RTN1: variants seen among roughly 807,000 people sequenced by gnomAD.
RTN1 encodes reticulon 1.
Under a neutral mutation model 65.5 loss-of-function variants are expected in RTN1, and 25 were observed. The observed-to-expected ratio is 0.38, with a 90% CI of 0.28 to 0.53. RTN1 has a LOEUF of 0.53. Among genes scored for constraint, RTN1 ranks in the 20% least tolerant of loss-of-function variants. The pLI is 0.79. For missense variants in RTN1, 983 were observed against 1,025.4 expected (o/e 0.96, Z 0.57); for synonymous variants, 471 against 447.6 (o/e 1.05, Z -0.66).
intron 2 of RTN1, among the ~76,000 whole-genome samples, chr14:59,737,817 T>C (rs112852862): frequency 3.3e-5 from 5 of 152,242 alleles, no homozygotes; most frequent in African/African-American, 9.6e-5. Context: ...AACAGACACA[T>C]AGACCAATGG....
intron 3 of RTN1, among the ~76,000 whole-genome samples, chr14:59,707,281 T>C (rs1361803760): frequency 6.6e-6 from 1 of 152,240 alleles, no homozygotes; most frequent in Non-Finnish European, 1.5e-5. Context: ...AGAGGGCACA[T>C]TTGTTGCCCT....
intron 1 of RTN1, among the ~76,000 whole-genome samples, chr14:59,809,183 T>A (rs1886686276): frequency 6.6e-6 from 1 of 151,988 alleles, no homozygotes; most frequent in Non-Finnish European, 1.5e-5. Context: ...TAACAACATC[T>A]CCACAAATGA....
At chr14:59,850,885 G>A (rs1887493192) in intron 1 of RTN1, among the ~76,000 whole-genome samples, 1 of 152,112 alleles carries the variant, frequency 6.6e-6, no homozygotes, top group South Asian at 2.1e-4. Flanking sequence ...TTTTTCTCTT[G>A]CAAAAGTTTC....
At chr14:59,705,950 C>G (rs1225595159) in intron 3 of RTN1, among the ~76,000 whole-genome samples, 2 of 152,194 alleles carry the variant, frequency 1.3e-5, no homozygotes, top group Admixed American at 1.3e-4. Flanking sequence ...TCACCCCCAG[C>G]TTTTCCTTCC....
chr14:59,721,441 T>G (rs1404884012), intron 3 of RTN1, among the ~76,000 whole-genome samples: 1 of 152,264 alleles, frequency 6.6e-6, no homozygotes, highest in East Asian at 1.9e-4. Flanking sequence ...TTAGAAGGTC[T>G]GGGCTGCTTA....
chr14:59,840,641 A>C (rs535813065), intron 1 of RTN1, among the ~76,000 whole-genome samples: 24 of 152,184 alleles, frequency 1.6e-4, no homozygotes, highest in Non-Finnish European at 8.8e-5. Flanking sequence ...AATAATTCCA[A>C]AACTAAAATA....
intron 1 of RTN1, among the ~76,000 whole-genome samples, chr14:59,865,103 A>AT (rs1328695282): frequency 6.6e-6 from 1 of 152,102 alleles, no homozygotes; most frequent in Non-Finnish European, 1.5e-5. Context: ...TACAGGCATT[A>AT]TTTTTTAGTG....
intron 1 of RTN1, among the ~76,000 whole-genome samples, chr14:59,869,591 G>C (rs1202343843): frequency 3.5e-5 from 3 of 84,582 alleles, no homozygotes; most frequent in South Asian, 4.5e-4. Context: ...GGGGGGGGGG[G>C]GCGCTTAGAC....
chr14:59,813,775 T>A (rs1451115699), intron 1 of RTN1, among the ~76,000 whole-genome samples: 1 of 152,242 alleles, frequency 6.6e-6, no homozygotes, highest in Non-Finnish European at 1.5e-5. Flanking sequence ...ATGTGTTTTA[T>A]TTTTATTACT....
At chr14:59,824,441 T>C (rs1293045548) in intron 1 of RTN1, among the ~76,000 whole-genome samples, 1 of 152,232 alleles carries the variant, frequency 6.6e-6, no homozygotes, top group African/African-American at 2.4e-5. Flanking sequence ...TTAAAATGTG[T>C]AGAGGGTGGA....
chr14:59,645,934 C>T (rs1018137012), intron 3 of RTN1, among the ~76,000 whole-genome samples: 9 of 152,222 alleles, frequency 5.9e-5, no homozygotes, highest in Admixed American at 2.0e-4. Context: ...CAAATGACTA[C>T]ACTAGTTCTT....
chr14:59,848,501 A>T (rs1246972755), intron 1 of RTN1, among the ~76,000 whole-genome samples: 7 of 152,246 alleles, frequency 4.6e-5, no homozygotes, highest in Admixed American at 3.9e-4. Flanking sequence ...GTGATATAAC[A>T]TATGAAGGTT....
rs532963850 is a variant in RTN1, at chr14:59,597,722, G to A, written c.2289-935C>T. Among the ~76,000 whole-genome samples the A allele has an allele frequency of 2.0e-5, 3 of 152,314 alleles. No homozygotes were observed. The South Asian group carries it at 6.2e-4, about 32-fold the overall frequency. On this transcript the variant is annotated intron_variant, in intron 8 of 8. Transcript: ENST00000267484. ...AGGCAGTGAGGGGCACAGTGGTAAG[G>A]TGTGTACCACCTCTTTTAAATCCAC...
intron 1 of RTN1, among the ~76,000 whole-genome samples, chr14:59,841,073 A>C (rs1174569658): frequency 6.6e-6 from 1 of 152,222 alleles, no homozygotes; most frequent in Non-Finnish European, 1.5e-5. Context: ...AGTCTGGATA[A>C]TAATATATAC....
rs1177913510 is a variant in RTN1 at position 59,750,356 on chromosome 14, T to C, written c.242-3875A>G. The stretch of plus-strand genomic sequence containing the variant: ...TATATTATATCTATAATATATATTA[T>C]ATCTATATATTATATCTATATATTA... On this transcript the variant is annotated intron_variant, in intron 1 of 8. Transcript: ENST00000267484. Among the ~76,000 whole-genome samples the C allele has an allele frequency of 1.4e-3, 15 of 10,420 alleles. 2 individuals are homozygous for C. The highest frequency in any genetic ancestry group is 1.9e-3 in the African/African-American group (3 of 1,594). The allele number at this position is 10,420 out of a possible 152,430, so 6.8% of individuals were successfully genotyped here. A position where few individuals can be genotyped will look rare whatever the true frequency, so the allele number is the denominator to read the frequency against.
intron 3 of RTN1, among the ~76,000 whole-genome samples, chr14:59,613,559 A>G (rs549916708): frequency 1.3e-5 from 2 of 152,228 alleles, no homozygotes; most frequent in African/African-American, 4.8e-5. Flanking sequence ...CGGCCTCCCA[A>G]AGTGCTGGGA....
At chr14:59,780,199 C>G (rs904643856) in intron 1 of RTN1, among the ~76,000 whole-genome samples, 1 of 152,112 alleles carries the variant, frequency 6.6e-6, no homozygotes, top group East Asian at 1.9e-4. Flanking sequence ...GTGATTTGTG[C>G]TGTAAAAGAC....
chr14:59,736,350 C>A (rs1352726827), intron 2 of RTN1, among the ~76,000 whole-genome samples: 1 of 152,108 alleles, frequency 6.6e-6, no homozygotes, highest in Non-Finnish European at 1.5e-5. Context: ...GATATCACCA[C>A]TGACCCCACA....
chr14:59,737,323 G>C (rs1032322482), intron 2 of RTN1, among the ~76,000 whole-genome samples: 2 of 152,112 alleles, frequency 1.3e-5, no homozygotes, highest in African/African-American at 4.8e-5. Flanking sequence ...AAAGTCTCAG[G>C]ATATAAAATC....
Sources: allele counts gnomAD v4.1 joint callset (sites outside exome capture counted in the v4.1 genomes callset), GRCh38; gene constraint gnomAD v4.1.1; transcripts MANE v1.5; gene names NCBI Gene and HGNC (gene_info 2026-07-23, HGNC 2026-07-21).